Variants in SNTG1 observed in about 807,000 individuals in gnomAD.
SNTG1 encodes the protein gamma-1-syntrophin.
A neutral mutation model predicts 74.7 loss-of-function variants in SNTG1; 39 were observed. The ratio of observed to expected loss-of-function variants is 0.52; its 90% CI spans 0.40 to 0.68. SNTG1 has a LOEUF of 0.68. Among genes scored for constraint, SNTG1 ranks in the 30% least tolerant of loss-of-function variants. The pLI, the probability that SNTG1 is intolerant of heterozygous loss-of-function variation, is 0.00. For missense variants in SNTG1, 685 were observed against 609.5 expected, an observed-to-expected ratio of 1.12 and a Z score of -1.30; for synonymous variants, 254 against 217.1, an observed-to-expected ratio of 1.17 and a Z score of -1.49.
chr8:50,369,335 G>A (rs1289867958), intron 2 of SNTG1, among the ~76,000 whole-genome samples: 7 of 152,172 alleles, frequency 4.6e-5, no homozygotes, highest in East Asian at 3.9e-4. Flanking sequence ...GGTGGCTAAC[G>A]CCTGTAATCC....
In SNTG1 at chr8:50,145,928, C is replaced by T. The variant is rs552189341; in HGVS notation, c.-102-26633C>T. On this transcript the variant is annotated intron_variant, in intron 1 of 18. Transcript: ENST00000642720. Reference sequence around the variant, plus strand: ...AATAAAAATATATAGATGACTTGAACTATCTTTGTATCATGTACCCTAGAA... The same window carrying T: ...AATAAAAATATATAGATGACTTGAATTATCTTTGTATCATGTACCCTAGAA... Among the ~76,000 whole-genome samples the T allele has an allele frequency of 2.6e-3, 386 of 150,182 alleles. 1 individual carries two copies. The highest frequency in any genetic ancestry group is 8.9e-3 in the African/African-American group (363 of 40,996).
chr8:50,026,050 T>C (rs962341962), intron 1 of SNTG1, among the ~76,000 whole-genome samples: 1 of 152,150 alleles, frequency 6.6e-6, no homozygotes, highest in African/African-American at 2.4e-5. Flanking sequence ...CAGAGGAACA[T>C]AAATTATCTA....
chr8:50,138,887 T>C (rs2081568296), intron 1 of SNTG1, among the ~76,000 whole-genome samples: 1 of 152,132 alleles, frequency 6.6e-6, no homozygotes, highest in Admixed American at 6.6e-5. Flanking sequence ...GTTTATATGA[T>C]ATACAGTGTA....
chr8:50,512,045 G>A (rs2094082608), intron 9 of SNTG1, among the ~76,000 whole-genome samples: 2 of 152,160 alleles, frequency 1.3e-5, no homozygotes, highest in South Asian at 4.1e-4. Flanking sequence ...TTTTTGCAGT[G>A]GCTGGTACTG....
chr8:50,320,633 T>C (rs2090491306), intron 2 of SNTG1, among the ~76,000 whole-genome samples: 1 of 152,074 alleles, frequency 6.6e-6, no homozygotes. Context: ...TTCTTCTTTT[T>C]TAATGTAGGC....
At chr8:50,682,605 A>C (rs2095335604) in intron 15 of SNTG1, among the ~76,000 whole-genome samples, 1 of 152,096 alleles carries the variant, frequency 6.6e-6, no homozygotes, top group African/African-American at 2.4e-5. Context: ...TATATCTAAC[A>C]CTGGTTATCC....
At chr8:50,177,505 G>A (rs1007369617) in intron 2 of SNTG1, among the ~76,000 whole-genome samples, 2 of 152,186 alleles carry the variant, frequency 1.3e-5, no homozygotes, top group Non-Finnish European at 2.9e-5. Context: ...AGGAGTTACA[G>A]CTGTACAGTG....
At chr8:50,689,092 A>G (rs1231651968) in intron 15 of SNTG1, among the ~76,000 whole-genome samples, 2 of 29,862 alleles carry the variant, frequency 6.7e-5, no homozygotes, top group African/African-American at 1.4e-4. Flanking sequence ...GTTTGTGAAC[A>G]TTGATTTTGT....
chr8:50,164,986 T>C (rs560191076), intron 1 of SNTG1, among the ~76,000 whole-genome samples: 19 of 152,286 alleles, frequency 1.2e-4, no homozygotes, highest in Non-Finnish European at 2.4e-4. Context: ...ATTAAGACAA[T>C]AGTGACTCTA....
intron 1 of SNTG1, among the ~76,000 whole-genome samples, chr8:50,081,230 A>C (rs1381855677): frequency 6.6e-6 from 1 of 151,692 alleles, no homozygotes; most frequent in Non-Finnish European, 1.5e-5. Flanking sequence ...CTGGTTATAA[A>C]ATTCTTTGTT....
chr8:50,180,261 C>T (rs2083153832), intron 2 of SNTG1, among the ~76,000 whole-genome samples: 2 of 151,934 alleles, frequency 1.3e-5, no homozygotes, highest in African/African-American at 4.8e-5. Flanking sequence ...ATGGTAGTTA[C>T]TTGGGAGGAG....
chr8:50,645,381 T>A (rs1472558832), intron 13 of SNTG1, among the ~76,000 whole-genome samples: 1 of 152,106 alleles, frequency 6.6e-6, no homozygotes, highest in Non-Finnish European at 1.5e-5. Context: ...CACCTAATGT[T>A]TGAACATATT....
At chr8:49,979,193 T>C (rs1336491772) in intron 1 of SNTG1, among the ~76,000 whole-genome samples, 1 of 152,192 alleles carries the variant, frequency 6.6e-6, no homozygotes, top group Admixed American at 6.5e-5. Context: ...CAGTTCACAA[T>C]GGCGAGACGC....
chr8:50,677,538 T>C (rs2131373986), intron 15 of SNTG1, among the ~76,000 whole-genome samples: 1 of 152,078 alleles, frequency 6.6e-6, no homozygotes, highest in Non-Finnish European at 1.5e-5. Flanking sequence ...TTCCTTCAGG[T>C]CTATTTCAGG....
chr8:50,138,832 A>G (rs2081566188), intron 1 of SNTG1, among the ~76,000 whole-genome samples: 1 of 151,982 alleles, frequency 6.6e-6, no homozygotes, highest in Non-Finnish European at 1.5e-5. Context: ...AAAAGTGGGT[A>G]GGATTATTGC....
chr8:50,061,013 A>T (rs901406477), intron 1 of SNTG1, among the ~76,000 whole-genome samples: 2 of 152,032 alleles, frequency 1.3e-5, no homozygotes, highest in Non-Finnish European at 2.9e-5. Context: ...AATATAGTTT[A>T]TTTGTTTTTG....
Position 50,567,470 on chromosome 8 carries a change from G to A in SNTG1, c.810+14291G>A, listed in dbSNP as rs182830330. On this transcript the variant is annotated intron_variant, in intron 12 of 18. Transcript: ENST00000642720. ...TATTTTGTTACTTTGAAACATATGT[G>A]TATGTGTATAAATGTATATGTATCT... Among the ~76,000 whole-genome samples, 648 of 152,012 alleles carry A rather than the reference G, an allele frequency of 4.3e-3. 9 individuals carry two copies. The highest frequency in any genetic ancestry group is 0.014 in the African/African-American group (586 of 41,484).
At chr8:50,271,502 C>A (rs1563826587) in intron 2 of SNTG1, among the ~76,000 whole-genome samples, 1 of 152,092 alleles carries the variant, frequency 6.6e-6, no homozygotes, top group Non-Finnish European at 1.5e-5. Flanking sequence ...TGGGCTGTAG[C>A]TTTTTAAGCT....
At chr8:49,973,856 C>T (rs1811947124) in intron 1 of SNTG1, among the ~76,000 whole-genome samples, 1 of 152,140 alleles carries the variant, frequency 6.6e-6, no homozygotes, top group Non-Finnish European at 1.5e-5. Flanking sequence ...ACAAAACATA[C>T]TTCTACAATG....
Sources: allele counts gnomAD v4.1 joint callset (sites outside exome capture counted in the v4.1 genomes callset), GRCh38; gene constraint gnomAD v4.1.1; transcripts MANE v1.5; gene names NCBI Gene and HGNC (gene_info 2026-07-23, HGNC 2026-07-21).